ULK4: variants seen among roughly 807,000 people sequenced by gnomAD.
The protein encoded by ULK4 is unc-51 like kinase 4.
A neutral mutation model predicts 160.6 loss-of-function variants in ULK4; 133 were observed. That is an observed-to-expected ratio of 0.83 (90% CI 0.72 to 0.96). The LOEUF (loss-of-function observed/expected upper bound fraction) is 0.96, where lower values mean the gene tolerates loss of function less well. ULK4 is among the 40% of genes least tolerant of loss of function. The probability of loss-of-function intolerance (pLI) is 0.00; values close to 1 mark genes in which losing one functional copy is unlikely to be tolerated. For synonymous variants in ULK4, 534 were observed against 539.8 expected (o/e 0.99, Z 0.15); for missense variants, 1,580 against 1,499.5 (o/e 1.05, Z -0.89).
intron 32 of ULK4, among the ~76,000 whole-genome samples, chr3:41,554,148 C>T (rs887917194): frequency 3.3e-5 from 5 of 152,082 alleles, no homozygotes; most frequent in African/African-American, 9.7e-5. Flanking sequence ...ACGGAAGTAC[C>T]GTTTGATCCA....
At chr3:41,771,322 T>C (rs920482636) in intron 21 of ULK4, among the ~76,000 whole-genome samples, 1 of 152,194 alleles carries the variant, frequency 6.6e-6, no homozygotes, top group Non-Finnish European at 1.5e-5. Flanking sequence ...GAACTTTCTG[T>C]AAACTTTCAG....
At chr3:41,729,818 A>T (rs2037765939) in intron 22 of ULK4, among the ~76,000 whole-genome samples, 1 of 152,238 alleles carries the variant, frequency 6.6e-6, no homozygotes, top group African/African-American at 2.4e-5. Flanking sequence ...AAGTACTCAC[A>T]GGCATTGTTA....
At position 41,507,745 on chromosome 3, in the gene ULK4, C is replaced by T. The variant is rs535420516; in HGVS notation, c.3227-44492G>A. Among the ~76,000 whole-genome samples the T allele has an allele frequency of 2.0e-5, 3 of 151,852 alleles. No individual in the cohort carries two copies. The South Asian group carries it at 6.2e-4, about 32-fold the overall frequency. On this transcript the variant is annotated intron_variant, in intron 32 of 36. Coordinates refer to ENST00000301831, the MANE Select transcript of ULK4 (RefSeq NM_017886.4). Reference sequence around the variant, plus strand: ...AACAAATACATTGTGGAGGTTGAATCCCAGTATAGTTATTTCAAAACGGAC... The same window carrying T: ...AACAAATACATTGTGGAGGTTGAATTCCAGTATAGTTATTTCAAAACGGAC...
chr3:41,813,310 T>A (rs2040870517), intron 19 of ULK4, among the ~76,000 whole-genome samples: 1 of 152,180 alleles, frequency 6.6e-6, no homozygotes, highest in African/African-American at 2.4e-5. Context: ...TAAAAAATAA[T>A]AAAAAATAAA....
intron 30 of ULK4, among the ~76,000 whole-genome samples, chr3:41,647,347 A>G (rs1341906148): frequency 6.6e-6 from 1 of 151,962 alleles, no homozygotes; most frequent in Non-Finnish European, 1.5e-5. Context: ...GTCTTTGATG[A>G]TGGTGATGTA....
At chr3:41,665,216 A>G (rs967753587) in intron 29 of ULK4, among the ~76,000 whole-genome samples, 1 of 152,212 alleles carries the variant, frequency 6.6e-6, no homozygotes, top group Non-Finnish European at 1.5e-5. Context: ...AAATCATTGT[A>G]TAACAAGCCT....
intron 34 of ULK4, among the ~76,000 whole-genome samples, chr3:41,410,100 T>C (rs1364013787): frequency 1.3e-5 from 2 of 152,126 alleles, no homozygotes; most frequent in African/African-American, 2.4e-5. Flanking sequence ...CTAGTGGAAA[T>C]GTTAATGGTG....
At chr3:41,683,388 G>C (rs543724049) in intron 27 of ULK4, among the ~76,000 whole-genome samples, 4 of 151,846 alleles carry the variant, frequency 2.6e-5, no homozygotes, top group African/African-American at 9.7e-5. Flanking sequence ...GCTTGTCTGC[G>C]ATCACCAGAC....
chr3:41,411,888 C>G (rs377681028), intron 34 of ULK4, among the ~76,000 whole-genome samples: 4 of 151,858 alleles, frequency 2.6e-5, no homozygotes, highest in African/African-American at 7.2e-5. Flanking sequence ...CCTGAAATTA[C>G]GAAGACAGAC....
At chr3:41,339,282 A>G (rs2080631610) in intron 35 of ULK4, among the ~76,000 whole-genome samples, 1 of 152,096 alleles carries the variant, frequency 6.6e-6, no homozygotes, top group African/African-American at 2.4e-5. Context: ...TCAGCCTACC[A>G]GTTGCTCTGT....
At chr3:41,370,975 T>C (rs1203288571) in intron 35 of ULK4, among the ~76,000 whole-genome samples, 1 of 152,084 alleles carries the variant, frequency 6.6e-6, no homozygotes, top group Non-Finnish European at 1.5e-5. Context: ...GCGTACACCA[T>C]TACTGAGGCT....
At chr3:41,384,734 G>A (rs553344512) in intron 35 of ULK4, among the ~76,000 whole-genome samples, 8 of 152,120 alleles carry the variant, frequency 5.3e-5, no homozygotes, top group East Asian at 1.9e-4. Context: ...ATAGGCACCC[G>A]CCATCACTCC....
chr3:41,616,788 G>A (rs1450788346), intron 30 of ULK4, among the ~76,000 whole-genome samples: 5 of 152,096 alleles, frequency 3.3e-5, no homozygotes, highest in South Asian at 2.1e-4. Context: ...AGACAGAACC[G>A]TTCACTCCCC....
At chr3:41,807,143 T>C (rs573077567) in intron 19 of ULK4, among the ~76,000 whole-genome samples, 39 of 151,770 alleles carry the variant, frequency 2.6e-4, no homozygotes, top group Admixed American at 2.6e-4. Flanking sequence ...AATAAAAAAA[T>C]TTACAACACA....
chr3:41,514,389 G>C (rs1402117878), intron 32 of ULK4, among the ~76,000 whole-genome samples: 1 of 152,156 alleles, frequency 6.6e-6, no homozygotes, highest in Non-Finnish European at 1.5e-5. Flanking sequence ...CGAAGCAAAG[G>C]AATAGGGTCA....
chr3:41,481,826 CAAAAAA>C (rs71616009), intron 32 of ULK4, among the ~76,000 whole-genome samples: 1 of 66,866 alleles, frequency 1.5e-5, no homozygotes, highest in Non-Finnish European at 3.4e-5. Context: ...GACTCCGTCT[CAAAAAA>C]AAAAAAAAAA....
intron 35 of ULK4, among the ~76,000 whole-genome samples, chr3:41,336,640 A>G (rs1433076659): frequency 6.6e-6 from 1 of 152,132 alleles, no homozygotes; most frequent in East Asian, 1.9e-4. Flanking sequence ...GCTCATGACC[A>G]CCTCCTTTAC....
At chr3:41,572,442 T>C (rs2088010173) in intron 31 of ULK4, among the ~76,000 whole-genome samples, 1 of 152,090 alleles carries the variant, frequency 6.6e-6, no homozygotes, top group South Asian at 2.1e-4. Flanking sequence ...TGGGATCTTC[T>C]AGCTTCAAAA....
At chr3:41,697,726 T>G (rs2036547338) in intron 27 of ULK4, among the ~76,000 whole-genome samples, 2 of 152,286 alleles carry the variant, frequency 1.3e-5, no homozygotes, top group Non-Finnish European at 1.5e-5. Context: ...CAAGTGGTTC[T>G]CCTGCCTCAG....
Sources: allele counts gnomAD v4.1 joint callset (sites outside exome capture counted in the v4.1 genomes callset), GRCh38; gene constraint gnomAD v4.1.1; transcripts MANE v1.5; gene names NCBI Gene and HGNC (gene_info 2026-07-23, HGNC 2026-07-21).